Variants in HIGD1C observed in about 807,000 individuals in gnomAD.
HIGD1C encodes the protein HIG1 hypoxia inducible domain family member 1C.
In HIGD1C, 11 loss-of-function variants were observed where a neutral mutation model predicts 13.1. The observed-to-expected ratio is 0.84, with a 90% CI of 0.53 to 1.39. The LOEUF is 1.39. HIGD1C is among the 40% of genes most tolerant of loss of function. HIGD1C has a pLI of 0.00. For missense variants in HIGD1C, 110 were observed against 112.0 expected (o/e 0.98, Z 0.08); for synonymous variants, 36 against 37.7 (o/e 0.95, Z 0.17).
intron 2 of HIGD1C, among the ~76,000 whole-genome samples, chr12:50,962,016 A>C (rs1939348593): frequency 6.6e-6 from 1 of 152,184 alleles, no homozygotes; most frequent in Non-Finnish European, 1.5e-5. Context: ...CCCTACCCTT[A>C]AACAGTTTAG....
At chr12:50,961,781 A>C (rs565330018) in intron 2 of HIGD1C, among the ~76,000 whole-genome samples, 2 of 152,198 alleles carry the variant, frequency 1.3e-5, no homozygotes, top group Non-Finnish European at 2.9e-5. Context: ...AGTCCCCTTC[A>C]TGACGTGCAG....
the HIGD1C span, among the ~76,000 whole-genome samples, chr12:50,947,583 C>A: frequency 3.9e-5 from 6 of 152,102 alleles, no homozygotes; most frequent in African/African-American, 1.4e-4. Context: ...AACTCAAGGT[C>A]AGTTGATTAT....
At chr12:50,967,865 TC>T (rs1939598858) in intron 2 of HIGD1C, among the ~76,000 whole-genome samples, 1 of 152,044 alleles carries the variant, frequency 6.6e-6, no homozygotes, top group Non-Finnish European at 1.5e-5. Flanking sequence ...GGCAGGAGAA[TC>T]ACTTGAGCCC....
At chr12:50,941,251 G>C in the HIGD1C span, among the ~76,000 whole-genome samples, 45 of 152,112 alleles carry the variant, frequency 3.0e-4, no homozygotes, top group Non-Finnish European at 5.3e-4. Context: ...ATCTCCCAAA[G>C]TGCTGAGATT....
chr12:50,951,311 A>C (rs535897708), upstream of HIGD1C, among the ~76,000 whole-genome samples: 1 of 152,276 alleles, frequency 6.6e-6, no homozygotes, highest in African/African-American at 2.4e-5. Flanking sequence ...TCTATTTAGA[A>C]ATTGGGCATG....
chr12:50,942,041 A>G, the HIGD1C span, among the ~76,000 whole-genome samples: 439 of 152,084 alleles, frequency 2.9e-3, 4 homozygotes, highest in African/African-American at 9.9e-3. Context: ...CCACCATACC[A>G]GGCTAATTTT....
chr12:50,952,349 T>C (rs1014793123), upstream of HIGD1C, among the ~76,000 whole-genome samples: 24 of 152,190 alleles, frequency 1.6e-4, no homozygotes, highest in Admixed American at 6.5e-4. Context: ...TGTACTATTC[T>C]GGGGACTTTT....
chr12:50,970,250 G>T (rs919418553), intron 2 of HIGD1C, among the ~76,000 whole-genome samples, 192 bp from the exon 5 acceptor site: 5 of 152,166 alleles, frequency 3.3e-5, no homozygotes, highest in Admixed American at 6.5e-5. Flanking sequence ...ATTTGAAAGG[G>T]CTCCTAGAGT....
chr12:50,935,787 C>G, the HIGD1C span, among the ~76,000 whole-genome samples: 1 of 152,162 alleles, frequency 6.6e-6, no homozygotes, highest in Non-Finnish European at 1.5e-5. Flanking sequence ...CCACACCCAG[C>G]CCCAGAATTT....
At chr12:50,941,672 GAA>G in the HIGD1C span, among the ~76,000 whole-genome samples, 2 of 152,084 alleles carry the variant, frequency 1.3e-5, no homozygotes, top group Non-Finnish European at 2.9e-5. Flanking sequence ...CACCACATAT[GAA>G]ATTTTAAACT....
At chr12:50,937,267 G>A in the HIGD1C span, among the ~76,000 whole-genome samples, 6 of 152,314 alleles carry the variant, frequency 3.9e-5, no homozygotes, top group African/African-American at 1.4e-4. Flanking sequence ...CACTTGGCTT[G>A]TGCTCTGGCT....
upstream of HIGD1C, among the ~76,000 whole-genome samples, chr12:50,951,413 A>G (rs1344719829): frequency 6.6e-6 from 1 of 152,248 alleles, no homozygotes; most frequent in Non-Finnish European, 1.5e-5. Flanking sequence ...GTTGTTAAAC[A>G]TTTGTCAGCA....
the HIGD1C span, among the ~76,000 whole-genome samples, chr12:50,940,538 G>A: frequency 3.3e-4 from 50 of 152,118 alleles, no homozygotes; most frequent in African/African-American, 1.2e-3. Flanking sequence ...GGGCAACACG[G>A]TGAGATCTCA....
intron 1 of HIGD1C, among the ~76,000 whole-genome samples, chr12:50,959,117 CTCT>C (rs1403573037): frequency 6.6e-6 from 1 of 152,022 alleles, no homozygotes; most frequent in East Asian, 1.9e-4. Flanking sequence ...CTACCATATC[CTCT>C]TTTTTATTTT....
chr12:50,968,019 C>G (rs947360323), intron 2 of HIGD1C, among the ~76,000 whole-genome samples: 1 of 151,906 alleles, frequency 6.6e-6, no homozygotes, highest in Non-Finnish European at 1.5e-5. Context: ...CCCAGGAGGT[C>G]GAGGCTGCAT....
intron 1 of HIGD1C, 171 bp downstream of exon 3, chr12:50,954,263 C>T: frequency 2.1e-6 from 1 of 472,036 alleles, no homozygotes; most frequent in Non-Finnish European, 3.7e-6. Flanking sequence ...ACATGGTAAG[C>T]CCCCAGTAAA....
the HIGD1C span, among the ~76,000 whole-genome samples, chr12:50,938,012 C>A: frequency 6.6e-6 from 1 of 152,166 alleles, no homozygotes; most frequent in Non-Finnish European, 1.5e-5. Context: ...CTGGAACTGG[C>A]AGCCTGGCCC....
chr12:50,941,510 G>A, the HIGD1C span, among the ~76,000 whole-genome samples: 9 of 152,126 alleles, frequency 5.9e-5, no homozygotes, highest in Non-Finnish European at 7.3e-5. Flanking sequence ...GCCATCTAAT[G>A]CCAATTCTTA....
the HIGD1C span, among the ~76,000 whole-genome samples, chr12:50,941,804 A>T: frequency 0.55 from 83,286 of 151,572 alleles, 24,163 homozygotes; most frequent in East Asian, 0.91. Flanking sequence ...GCTATCAACC[A>T]GGACTGATTC....
Sources: gnomAD v4.1 joint callset for allele counts (sites outside exome capture counted in the v4.1 genomes callset) on GRCh38, gnomAD v4.1.1 for gene constraint, MANE v1.5 for transcripts, NCBI Gene and HGNC (gene_info 2026-07-23, HGNC 2026-07-21) for gene names.